Variants in DPP8 observed in about 807,000 individuals in gnomAD.
The protein encoded by DPP8 is dipeptidyl peptidase 8.
DPP8 carries 31 observed loss-of-function variants against 107.5 expected under a neutral mutation model. The ratio of observed to expected loss-of-function variants is 0.29; its 90% confidence interval spans 0.22 to 0.39. The LOEUF is 0.39. DPP8 is among the 10% of genes least tolerant of loss of function. The pLI, the probability that DPP8 is intolerant of heterozygous loss-of-function variation, is 1.00. For missense variants in DPP8, 842 were observed against 1,076.1 expected (o/e 0.78, Z 3.04); for synonymous variants, 381 against 356.6 (o/e 1.07, Z -0.77).
At chr15:65,484,998 G>T in intron 8 of DPP8, 101 bp downstream of exon 8, 1 of 917,120 alleles carries the variant, frequency 1.1e-6, no homozygotes, top group Non-Finnish European at 1.7e-6. Flanking sequence ...ATCTCAGCAA[G>T]TTCAGCAAGT....
At chr15:65,479,936 C>T (rs1195882865) in intron 10 of DPP8, among the ~76,000 whole-genome samples, 1 of 150,432 alleles carries the variant, frequency 6.6e-6, no homozygotes, top group African/African-American at 2.4e-5. Context: ...CTAGACCAGA[C>T]TCATGAAGTC....
chr15:65,474,171 A>C, intron 12 of DPP8, 38 bp downstream of exon 12: 3 of 1,415,280 alleles, frequency 2.1e-6, no homozygotes, highest in Non-Finnish European at 3.0e-6. Context: ...TCACACAGTA[A>C]TACTGACCAA....
At chr15:65,487,841 A>G in intron 6 of DPP8, 23 bp from the exon 7 acceptor site, 1 of 1,454,676 alleles carries the variant, frequency 6.9e-7, no homozygotes, top group Admixed American at 2.0e-5. Flanking sequence ...TTAAATATTG[A>G]AAATTTAGAA....
chr15:65,473,252 G>A (rs145991544), intron 12 of DPP8, among the ~76,000 whole-genome samples: 220 of 151,388 alleles, frequency 1.5e-3, no homozygotes, highest in African/African-American at 5.1e-3. Context: ...TTGAACCCAG[G>A]AGGTGGAAGT....
chr15:65,487,715 T>A lies in DPP8; in HGVS notation c.930A>T (p.Ala310=), dbSNP rs142093539. The A allele has an allele frequency of 1.9e-6, 3 of 1,609,736 alleles. No homozygotes were observed. In the South Asian group the frequency reaches 3.3e-5, roughly 18 times the overall value. The part of the protein sequence containing the change: ...VTSPMLETRR[A]DSFRYPKTGT... ...CTGTTTTAGGATAACGGAATGAATC[T>A]GCCCTCCTTGTTTCCAACATAGGGG... The change falls in exon 7 of 20, where the codon GCA becomes GCT. Residue 310 remains alanine (A), a synonymous_variant. Coordinates refer to ENST00000300141, the MANE Select transcript of DPP8 (RefSeq NM_130434.5).
At position 65,445,912 on chromosome 15, in the gene DPP8, TTCTC is replaced by T. The variant is rs888875070; in HGVS notation, c.*968_*971del. 11 of 152,210 alleles carry T rather than the reference TTCTC, an allele frequency of 7.2e-5. No individual in the cohort carries two copies. The highest frequency in any genetic ancestry group is 2.2e-4 in the African/African-American group (9 of 41,520). 9.4% of individuals were successfully genotyped at this position (152,210 alleles called of 1,614,324 possible). ...TTTTTAATCAGGCCCTCACCACCTC[TTCTC>T]TCTGTCATTCCCCAAACCCAGGTCT... On this transcript the variant is annotated 3_prime_UTR_variant, in exon 20 of 20. Coordinates refer to ENST00000300141, the MANE Select transcript of DPP8 (RefSeq NM_130434.5).
At chr15:65,489,063 T>G (rs2067731190) in intron 6 of DPP8, among the ~76,000 whole-genome samples, 2 of 152,118 alleles carry the variant, frequency 1.3e-5, no homozygotes, top group Non-Finnish European at 1.5e-5. Context: ...CGGGTTCAAT[T>G]GATTCTTCTG....
intron 19 of DPP8, among the ~76,000 whole-genome samples, chr15:65,448,715 T>C (rs1431635975): frequency 1.4e-5 from 2 of 137,954 alleles, no homozygotes; most frequent in Non-Finnish European, 3.1e-5. Context: ...AAAATGTACA[T>C]ATATATATAA....
chr15:65,494,183 T>C (rs2068339302), intron 5 of DPP8, among the ~76,000 whole-genome samples: 1 of 144,170 alleles, frequency 6.9e-6, no homozygotes, highest in African/African-American at 2.7e-5. Context: ...GTCTCTCTCT[T>C]TCATCTGCCA....
At chr15:65,456,426 A>G in intron 15 of DPP8, 55 bp from the exon 16 acceptor site, 1 of 1,545,908 alleles carries the variant, frequency 6.5e-7, no homozygotes, top group Non-Finnish European at 8.7e-7. Flanking sequence ...AAAACCCAAG[A>G]GCGGCTGGGC....
In DPP8 at chr15:65,474,436, C is replaced by T. The variant is rs1595944661; in HGVS notation, c.1457-148G>A. 4 of 620,264 alleles carry T rather than the reference C, an allele frequency of 6.4e-6. No individual in the cohort carries two copies. In the East Asian group the frequency reaches 1.1e-4, roughly 17 times the overall value. The allele number at this position is 620,264 out of a possible 1,614,324, so 38.4% of individuals were successfully genotyped here. A position where few individuals can be genotyped will look rare whatever the true frequency, so the allele number is the denominator to read the frequency against. ...TGGAACTAGACAGAGATGATGGTTG[C>T]ACAGCATTGTGAATGTACTAAATGC... On this transcript the variant is annotated intron_variant, in intron 11 of 19. Transcript: ENST00000300141.
intron 19 of DPP8, among the ~76,000 whole-genome samples, chr15:65,448,689 A>T (rs1405238493): frequency 7.7e-6 from 1 of 130,294 alleles, no homozygotes; most frequent in African/African-American, 3.0e-5. Context: ...AAAAAAAAAA[A>T]AATATATATA....
chr15:65,443,698 G>A lies in DPP8; in HGVS notation c.*3186C>T, dbSNP rs934858490. On this transcript the variant is annotated 3_prime_UTR_variant, in exon 20 of 20. Transcript: ENST00000300141. ...CTCCTGCTGCTTTCAGAGTGAGACGGGGCCAAATAGTTACCACAGATGAGC... is the reference window on the plus strand; with the variant it reads ...CTCCTGCTGCTTTCAGAGTGAGACGAGGCCAAATAGTTACCACAGATGAGC... The A allele has an allele frequency of 6.6e-6, 1 of 152,116 alleles. No homozygotes were observed. The highest frequency in any genetic ancestry group is 2.1e-4 in the South Asian group (1 of 4,828). 9.4% of individuals were successfully genotyped at this position (152,116 alleles called of 1,614,324 possible).
intron 12 of DPP8, among the ~76,000 whole-genome samples, chr15:65,470,222 A>AAAGAAAAAAG (rs1479907790): frequency 1.4e-5 from 2 of 142,904 alleles, no homozygotes; most frequent in Non-Finnish European, 3.0e-5. Context: ...AAAAAAAAAG[A>AAAGAAAAAAG]AAGAAAAAAG....
intron 3 of DPP8, among the ~76,000 whole-genome samples, chr15:65,506,061 G>A (rs994438938): frequency 5.9e-5 from 9 of 152,046 alleles, no homozygotes; most frequent in African/African-American, 2.2e-4. Context: ...GGCCGGTGCG[G>A]TGGCTCACAC....
rs1227304231 is a variant in DPP8, at chr15:65,449,055, A to G, written c.2526+1944T>C. On this transcript the variant is annotated intron_variant, in intron 19 of 19. Coordinates refer to ENST00000300141, the MANE Select transcript of DPP8 (RefSeq NM_130434.5). ...AAACCCTGTCTCTACTAAAAGTACA[A>G]AAAAATTAGCTGGGCATAGTGGTAT... Among the ~76,000 whole-genome samples the G allele has an allele frequency of 3.5e-5, 5 of 143,778 alleles. No individual in the cohort carries two copies. The South Asian group carries it at 1.1e-3, about 31-fold the overall frequency. The allele number at this position is 143,778 out of a possible 152,430, so 94.3% of individuals were successfully genotyped here. A position where few individuals can be genotyped will look rare whatever the true frequency, so the allele number is the denominator to read the frequency against.
intron 12 of DPP8, among the ~76,000 whole-genome samples, chr15:65,470,719 G>A (rs548145453): frequency 1.3e-5 from 2 of 151,550 alleles, no homozygotes; most frequent in Non-Finnish European, 2.9e-5. Flanking sequence ...ACGGGTTCAA[G>A]ACCCTCCTGG....
chr15:65,469,719 C>T (rs1027048111), intron 12 of DPP8, among the ~76,000 whole-genome samples: 1 of 151,180 alleles, frequency 6.6e-6, no homozygotes, highest in Non-Finnish European at 1.5e-5. Context: ...GCCCATAATC[C>T]CAGCTACTCG....
intron 12 of DPP8, among the ~76,000 whole-genome samples, chr15:65,473,499 T>A (rs2066106573): frequency 6.6e-6 from 1 of 151,904 alleles, no homozygotes; most frequent in Non-Finnish European, 1.5e-5. Context: ...TGAGACCCTG[T>A]CTCTACCAAA....
Sources: gnomAD v4.1 joint callset for allele counts (sites outside exome capture counted in the v4.1 genomes callset) on GRCh38, gnomAD v4.1.1 for gene constraint, MANE v1.5 for transcripts, NCBI Gene and HGNC (gene_info 2026-07-23, HGNC 2026-07-21) for gene names.